The following AGBL4 variants were observed in gnomAD, a reference collection of about 807,000 sequenced individuals.
AGBL4 encodes the protein cytosolic carboxypeptidase 6.
AGBL4 carries 58 observed loss-of-function variants against 66.4 expected under a neutral mutation model. That is an observed-to-expected ratio of 0.87 (90% CI 0.71 to 1.09). The LOEUF is 1.09. AGBL4 is among the 50% of genes least tolerant of loss of function. AGBL4 has a pLI of 0.00. For missense variants in AGBL4, 579 were observed against 631.0 expected, an observed-to-expected ratio of 0.92 and a Z score of 0.88; for synonymous variants, 234 against 222.9, an observed-to-expected ratio of 1.05 and a Z score of -0.44.
chr1:49,295,924 T>A (rs369623929), intron 3 of AGBL4, among the ~76,000 whole-genome samples: 2 of 152,198 alleles, frequency 1.3e-5, no homozygotes, highest in Admixed American at 1.3e-4. Flanking sequence ...GTAGTGACTC[T>A]AAAGCAAACT....
intron 1 of AGBL4, among the ~76,000 whole-genome samples, chr1:49,857,189 A>G (rs1218457167): frequency 6.6e-6 from 1 of 152,056 alleles, no homozygotes; most frequent in African/African-American, 2.4e-5. Context: ...AAAGACTGCA[A>G]TGAAAATTCC....
chr1:48,715,209 G>A (rs1389724265), intron 6 of AGBL4, among the ~76,000 whole-genome samples: 4 of 152,020 alleles, frequency 2.6e-5, no homozygotes, highest in Admixed American at 1.3e-4. Context: ...CCCTCTGCCT[G>A]TAATGCCACC....
chr1:48,743,261 G>A (rs180941006), intron 6 of AGBL4, among the ~76,000 whole-genome samples: 167 of 152,266 alleles, frequency 1.1e-3, no homozygotes, highest in African/African-American at 3.9e-3. Flanking sequence ...CTAGACTGGA[G>A]CATTTGAATC....
At chr1:49,223,800 G>C (rs1159120724) in intron 4 of AGBL4, among the ~76,000 whole-genome samples, 1 of 152,122 alleles carries the variant, frequency 6.6e-6, no homozygotes, top group African/African-American at 2.4e-5. Flanking sequence ...ATAATTTTAG[G>C]CAGTTTTACA....
intron 5 of AGBL4, among the ~76,000 whole-genome samples, chr1:48,889,446 G>A (rs1490371936): frequency 6.6e-6 from 1 of 152,182 alleles, no homozygotes; most frequent in East Asian, 1.9e-4. Context: ...AATAAACTGA[G>A]TGAGAAAGAT....
intron 4 of AGBL4, among the ~76,000 whole-genome samples, chr1:49,194,291 A>G (rs1220187149): frequency 1.3e-5 from 2 of 150,064 alleles, no homozygotes; most frequent in African/African-American, 2.5e-5. Flanking sequence ...TTTTTTTACC[A>G]TTTTTGATTT....
At chr1:49,302,328 A>G (rs995558238) in intron 3 of AGBL4, among the ~76,000 whole-genome samples, 8 of 151,674 alleles carry the variant, frequency 5.3e-5, no homozygotes, top group African/African-American at 1.9e-4. Flanking sequence ...TCTTGGCTCA[A>G]TGCAACCTCT....
chr1:49,636,018 G>C (rs1331264042), intron 3 of AGBL4, among the ~76,000 whole-genome samples: 1 of 152,124 alleles, frequency 6.6e-6, no homozygotes, highest in Non-Finnish European at 1.5e-5. Flanking sequence ...TTTCCCCACA[G>C]GACATTTGCT....
chr1:48,987,072 G>A (rs1272592189), intron 5 of AGBL4, among the ~76,000 whole-genome samples: 1 of 151,276 alleles, frequency 6.6e-6, no homozygotes, highest in Non-Finnish European at 1.5e-5. Flanking sequence ...CATATTCAAA[G>A]AATACTCCAT....
intron 5 of AGBL4, among the ~76,000 whole-genome samples, chr1:48,877,827 T>C (rs1570902812): frequency 6.6e-6 from 1 of 151,968 alleles, no homozygotes; most frequent in Non-Finnish European, 1.5e-5. Context: ...GGGAGAGCAA[T>C]GGTGCCAGAA....
intron 3 of AGBL4, among the ~76,000 whole-genome samples, chr1:49,346,077 C>T (rs1645628196): frequency 6.6e-6 from 1 of 152,140 alleles, no homozygotes; most frequent in Non-Finnish European, 1.5e-5. Flanking sequence ...ATTATTCTTG[C>T]TGCACTTTAT....
intron 1 of AGBL4, among the ~76,000 whole-genome samples, chr1:49,966,026 C>T (rs1170190777): frequency 6.6e-6 from 1 of 150,460 alleles, no homozygotes; most frequent in Non-Finnish European, 1.5e-5. Context: ...ACTGCAAGCT[C>T]TGCCTTCCGG....
intron 6 of AGBL4, among the ~76,000 whole-genome samples, chr1:48,692,862 G>C (rs1049216023): frequency 3.3e-5 from 5 of 152,172 alleles, no homozygotes; most frequent in Non-Finnish European, 5.9e-5. Flanking sequence ...TAAGAAGCCC[G>C]CAATACCACC....
rs1307626567 is a variant in AGBL4 at position 49,191,614 on chromosome 1, ACCTTTGTC to A, written c.377+54148_377+54155del. On this transcript the variant is annotated intron_variant, in intron 4 of 13. Coordinates refer to ENST00000371839, the MANE Select transcript of AGBL4 (RefSeq NM_032785.4). Reference sequence around the variant, plus strand: ...AGTTTTTCAACTCTTGCCTCCTCACACCTTTGTCCCTCTAGTAGTCCCCAGTATCTGCT... The same window carrying A: ...AGTTTTTCAACTCTTGCCTCCTCACACCTCTAGTAGTCCCCAGTATCTGCT... 2.6e-5 allele frequency among the ~76,000 whole-genome samples: 4 copies of A among 152,022 alleles called. No homozygotes were observed. In the East Asian group the frequency reaches 7.7e-4, roughly 29 times the overall value.
intron 12 of AGBL4, among the ~76,000 whole-genome samples, chr1:48,536,099 GCT>G (rs986746466): frequency 7.9e-5 from 12 of 152,224 alleles, no homozygotes; most frequent in African/African-American, 2.6e-4. Flanking sequence ...AGAGGAAGCA[GCT>G]CTGTCTCGGG....
chr1:49,960,959 ATAGAGTG>A (rs1407442297), intron 1 of AGBL4, among the ~76,000 whole-genome samples: 1 of 152,084 alleles, frequency 6.6e-6, no homozygotes, highest in African/African-American at 2.4e-5. Context: ...TCAGTATTTA[ATAGAGTG>A]TAAAGTTCAA....
chr1:49,634,094 C>T (rs1006002143), intron 3 of AGBL4, among the ~76,000 whole-genome samples: 1 of 151,080 alleles, frequency 6.6e-6, no homozygotes, highest in Non-Finnish European at 1.5e-5. Flanking sequence ...CTTTAAGATC[C>T]AGGATACATG....
At chr1:48,878,592 C>T (rs1649448091) in intron 5 of AGBL4, among the ~76,000 whole-genome samples, 2 of 152,102 alleles carry the variant, frequency 1.3e-5, no homozygotes, top group Non-Finnish European at 2.9e-5. Flanking sequence ...TTACCCTTGG[C>T]CACAGACATT....
chr1:49,308,601 C>T (rs1644890583), intron 3 of AGBL4, among the ~76,000 whole-genome samples: 1 of 152,042 alleles, frequency 6.6e-6, no homozygotes, highest in African/African-American at 2.4e-5. Context: ...TTTCTTTGAG[C>T]AGCATTCTTT....
Sources: gnomAD v4.1 joint callset for allele counts (sites outside exome capture counted in the v4.1 genomes callset) on GRCh38, gnomAD v4.1.1 for gene constraint, MANE v1.5 for transcripts, NCBI Gene and HGNC (gene_info 2026-07-23, HGNC 2026-07-21) for gene names.